The following CMSS1 variants were observed in gnomAD, a reference collection of about 807,000 sequenced individuals.
CMSS1 encodes protein CMSS1.
Under a neutral mutation model 43.5 loss-of-function variants are expected in CMSS1, and 33 were observed. That is an observed-to-expected ratio of 0.76 (90% CI 0.57 to 1.01). CMSS1 has a LOEUF of 1.01. Ranked by LOEUF, CMSS1 falls within the 50% of genes least tolerant of loss-of-function variation. CMSS1 has a pLI of 0.00. For synonymous variants in CMSS1, 115 were observed against 117.2 expected, an observed-to-expected ratio of 0.98 and a Z score of 0.12; for missense variants, 313 against 326.4, an observed-to-expected ratio of 0.96 and a Z score of 0.32.
At chr3:99,843,319 A>G (rs1001613723) in intron 1 of CMSS1, among the ~76,000 whole-genome samples, 3 of 152,220 alleles carry the variant, frequency 2.0e-5, no homozygotes, top group African/African-American at 7.2e-5. Context: ...ATGCTTTGCT[A>G]CAGTTATAAA....
At chr3:100,024,991 C>T (rs2064892296) in intron 1 of CMSS1, among the ~76,000 whole-genome samples, 1 of 152,138 alleles carries the variant, frequency 6.6e-6, no homozygotes, top group South Asian at 2.1e-4. Context: ...TGATTTATTA[C>T]CACAAAATAT....
At chr3:100,022,726 CAT>C (rs1450638755) in intron 1 of CMSS1, among the ~76,000 whole-genome samples, 27 of 152,180 alleles carry the variant, frequency 1.8e-4, no homozygotes, top group Non-Finnish European at 3.1e-4. Flanking sequence ...CAGCAGTCAT[CAT>C]ATGTTTCCAT....
At chr3:99,926,064 G>A (rs539600212) in intron 1 of CMSS1, among the ~76,000 whole-genome samples, 75 of 152,296 alleles carry the variant, frequency 4.9e-4, no homozygotes, top group African/African-American at 1.7e-3. Flanking sequence ...TTTACAGTTT[G>A]CCTTTGTCAT....
At chr3:100,030,288 G>A (rs1444087829) in intron 1 of CMSS1, among the ~76,000 whole-genome samples, 1 of 152,100 alleles carries the variant, frequency 6.6e-6, no homozygotes, top group Non-Finnish European at 1.5e-5. Context: ...ATGAGAAAGG[G>A]ATCTATGCCA....
At chr3:99,900,302 A>T (rs1010519863) in intron 1 of CMSS1, among the ~76,000 whole-genome samples, 7 of 152,210 alleles carry the variant, frequency 4.6e-5, no homozygotes, top group Non-Finnish European at 1.0e-4. Context: ...GATGATGAGG[A>T]TATTAATAAC....
intron 1 of CMSS1, among the ~76,000 whole-genome samples, chr3:99,928,611 C>T (rs1236824913): frequency 6.6e-6 from 1 of 152,064 alleles, no homozygotes; most frequent in Non-Finnish European, 1.5e-5. Flanking sequence ...AATTTTTTCC[C>T]ACCGATTTCA....
chr3:99,955,043 A>G (rs1708280522), intron 1 of CMSS1, among the ~76,000 whole-genome samples: 1 of 152,208 alleles, frequency 6.6e-6, no homozygotes, highest in Non-Finnish European at 1.5e-5. Flanking sequence ...ATGAAAGGGT[A>G]TCTTCTCTCA....
intron 1 of CMSS1, among the ~76,000 whole-genome samples, chr3:99,948,119 A>G (rs1448611350): frequency 6.6e-6 from 1 of 152,174 alleles, no homozygotes; most frequent in African/African-American, 2.4e-5. Context: ...CTTATGTCCA[A>G]AAAATAAGTA....
At chr3:99,849,916 A>G (rs773676808) in intron 1 of CMSS1, 43 of 1,611,858 alleles carry the variant, frequency 2.7e-5, no homozygotes, top group Non-Finnish European at 3.4e-5. Flanking sequence ...ATTTTTCAAC[A>G]TATTAACTCT....
chr3:100,090,965 G>A (rs2066093169), intron 1 of CMSS1, among the ~76,000 whole-genome samples: 1 of 152,102 alleles, frequency 6.6e-6, no homozygotes, highest in Non-Finnish European at 1.5e-5. Context: ...TTTAACCCAA[G>A]GTCATTTGGA....
At chr3:99,830,457 G>C in intron 1 of CMSS1, 1 of 456,244 alleles carries the variant, frequency 2.2e-6, no homozygotes, top group South Asian at 1.6e-5. Context: ...GGAGGTGACA[G>C]TTCTCACGAT....
intron 1 of CMSS1, chr3:100,040,889 GA>G (rs940419002): frequency 1.3e-5 from 2 of 151,960 alleles, no homozygotes; most frequent in Non-Finnish European, 2.9e-5. Context: ...TTATGCATTT[GA>G]AAAAATGGTT....
At chr3:99,882,433 C>T (rs547900569) in intron 1 of CMSS1, among the ~76,000 whole-genome samples, 2 of 152,208 alleles carry the variant, frequency 1.3e-5, no homozygotes, top group African/African-American at 4.8e-5. Context: ...CATATAATGG[C>T]TGGAAATGTA....
intron 1 of CMSS1, among the ~76,000 whole-genome samples, chr3:99,951,045 A>G (rs1332007391): frequency 6.6e-6 from 1 of 151,742 alleles, no homozygotes; most frequent in Non-Finnish European, 1.5e-5. Flanking sequence ...TCCCTTTGTC[A>G]CTCTTTCTGC....
intron 1 of CMSS1, among the ~76,000 whole-genome samples, chr3:100,012,390 G>A (rs1297432970): frequency 1.3e-5 from 2 of 151,956 alleles, no homozygotes; most frequent in Admixed American, 6.6e-5. Flanking sequence ...AGCCCAAAAC[G>A]AAACAAAATA....
At chr3:99,841,689 T>C (rs1158329867) in intron 1 of CMSS1, among the ~76,000 whole-genome samples, 2 of 152,180 alleles carry the variant, frequency 1.3e-5, no homozygotes, top group African/African-American at 4.8e-5. Context: ...AATAGACAAT[T>C]CTCAAAAGAA....
intron 1 of CMSS1, among the ~76,000 whole-genome samples, chr3:100,143,522 CGTT>C (rs1241044449): frequency 3.3e-5 from 5 of 151,488 alleles, no homozygotes; most frequent in African/African-American, 1.2e-4. Flanking sequence ...TGTATTCTGC[CGTT>C]GTTGATTGGA....
At position 100,166,327 on chromosome 3, in the gene CMSS1, A is replaced by T. The variant is rs768652788; in HGVS notation, c.356-8A>T. 4 of 1,574,254 alleles carry T rather than the reference A, an allele frequency of 2.5e-6. No individual in the cohort carries two copies. In the Admixed American group the frequency reaches 5.0e-5, roughly 20 times the overall value. On this transcript the variant is annotated splice_region_variant and splice_polypyrimidine_tract_variant and intron_variant, in intron 4 of 9. Transcript: ENST00000421999. ...ATTATCTACAAAGCATGTTTATTAT[A>T]TTTCTAGACTCCTGTTTCCTCAAGG...
intron 1 of CMSS1, among the ~76,000 whole-genome samples, chr3:99,938,891 A>G (rs578235855): frequency 5.3e-5 from 8 of 152,214 alleles, no homozygotes; most frequent in Non-Finnish European, 1.2e-4. Flanking sequence ...CACTAAACTC[A>G]GCCAGCTGCA....
Sources: allele counts gnomAD v4.1 joint callset (sites outside exome capture counted in the v4.1 genomes callset), GRCh38; gene constraint gnomAD v4.1.1; transcripts MANE v1.5; gene names NCBI Gene and HGNC (gene_info 2026-07-23, HGNC 2026-07-21).